The following ACER3 variants were observed in gnomAD, a reference collection of about 807,000 sequenced individuals.
The protein encoded by ACER3 is alkaline ceramidase 3, also known as alkCDase 3.
A neutral mutation model predicts 48.9 loss-of-function variants in ACER3; 16 were observed. That is an observed-to-expected ratio of 0.33 (90% confidence interval 0.22 to 0.50). The LOEUF is 0.50. ACER3 is among the 20% of genes least tolerant of loss of function. The pLI, the probability that ACER3 is intolerant of heterozygous loss-of-function variation, is 0.98. For missense variants in ACER3, 227 were observed against 326.0 expected (o/e 0.70, Z 2.34); for synonymous variants, 109 against 107.8 (o/e 1.01, Z -0.07).
chr11:77,019,495 G>A (rs1949434690), intron 9 of ACER3: 1 of 517,926 alleles, frequency 1.9e-6, no homozygotes, highest in Non-Finnish European at 3.5e-6. Context: ...CTCTGCTTGT[G>A]CTCTATAAAA....
intron 2 of ACER3, among the ~76,000 whole-genome samples, chr11:76,928,787 T>C (rs1946909020): frequency 6.6e-6 from 1 of 152,190 alleles, no homozygotes; most frequent in Non-Finnish European, 1.5e-5. Flanking sequence ...GTGGTATTAT[T>C]TCTGAGGGCT....
intron 7 of ACER3, among the ~76,000 whole-genome samples, chr11:77,004,451 G>T (rs542388507): frequency 6.6e-6 from 1 of 152,302 alleles, no homozygotes; most frequent in East Asian, 1.9e-4. Flanking sequence ...GTATTTTTTA[G>T]TTATTCTGTA....
intron 1 of ACER3, among the ~76,000 whole-genome samples, chr11:76,902,335 T>C (rs906591514): frequency 6.6e-6 from 1 of 152,224 alleles, no homozygotes; most frequent in Non-Finnish European, 1.5e-5. Flanking sequence ...TGAGAATCTA[T>C]AGATAGGCCT....
intron 1 of ACER3, among the ~76,000 whole-genome samples, chr11:76,916,607 G>T (rs1946536083): frequency 1.3e-5 from 2 of 152,160 alleles, no homozygotes; most frequent in South Asian, 4.1e-4. Context: ...GGTAGGATTT[G>T]ATTTGGGCCC....
chr11:76,964,734 A>G (rs1379702197), intron 3 of ACER3, among the ~76,000 whole-genome samples: 1 of 151,392 alleles, frequency 6.6e-6, no homozygotes, highest in African/African-American at 2.5e-5. Flanking sequence ...AAACTCCAAC[A>G]GACCTGCAGC....
intron 1 of ACER3, among the ~76,000 whole-genome samples, chr11:76,901,660 A>C (rs1324708145): frequency 6.6e-6 from 1 of 152,160 alleles, no homozygotes; most frequent in African/African-American, 2.4e-5. Flanking sequence ...TCACAACTCT[A>C]AGGGGGTGCA....
chr11:76,965,777 C>T (rs1948120841), intron 3 of ACER3, among the ~76,000 whole-genome samples: 3 of 151,154 alleles, frequency 2.0e-5, no homozygotes, highest in Admixed American at 6.6e-5. Context: ...TTGTCACCAC[C>T]AGCCCTGCCC....
chr11:76,960,333 T>G (rs1299670954), intron 3 of ACER3, among the ~76,000 whole-genome samples: 1 of 151,862 alleles, frequency 6.6e-6, no homozygotes, highest in Non-Finnish European at 1.5e-5. Flanking sequence ...CTCTTGAGCC[T>G]GGGAGGCGGA....
rs565504874 is a variant in ACER3, at chr11:77,016,919, C to G, written c.704+140C>G. On this transcript the variant is annotated intron_variant, in intron 9 of 10. Coordinates refer to ENST00000532485, the MANE Select transcript of ACER3 (RefSeq NM_018367.7). Reference sequence around the variant, plus strand: ...AATTAAATAGTACACTCTTGAACAACCGCTGGGTCAAAGAAGAAGTCAAAA... The same window carrying G: ...AATTAAATAGTACACTCTTGAACAAGCGCTGGGTCAAAGAAGAAGTCAAAA... 3.8e-5 allele frequency: 17 copies of G among 447,776 alleles called. No individual in the cohort carries two copies. The Admixed American group carries it at 7.1e-4, about 19-fold the overall frequency. The allele number at this position is 447,776 out of a possible 1,614,324, so 27.7% of individuals were successfully genotyped here. A position where few individuals can be genotyped will look rare whatever the true frequency, so the allele number is the denominator to read the frequency against.
At chr11:76,971,182 G>A (rs962453367) in intron 3 of ACER3, among the ~76,000 whole-genome samples, 1 of 152,124 alleles carries the variant, frequency 6.6e-6, no homozygotes, top group Non-Finnish European at 1.5e-5. Context: ...ATGAACTTTT[G>A]TGTACATGTT....
intron 1 of ACER3, among the ~76,000 whole-genome samples, chr11:76,873,689 T>C (rs1945299478): frequency 6.6e-6 from 1 of 152,206 alleles, no homozygotes; most frequent in Admixed American, 6.5e-5. Flanking sequence ...TGCTCAAGTA[T>C]TCAAAGGTAT....
At chr11:76,934,752 G>GGCGAGACGGGAGAGGGA in intron 2 of ACER3, among the ~76,000 whole-genome samples, 1 of 145,588 alleles carries the variant, frequency 6.9e-6, no homozygotes, top group Non-Finnish European at 1.5e-5. Context: ...GGGAGACCGT[G>GGCGAGACGGGAGAGGGA]GGGAGACGGA....
At chr11:77,007,753 A>C (rs2135297701) in intron 7 of ACER3, among the ~76,000 whole-genome samples, 1 of 152,280 alleles carries the variant, frequency 6.6e-6, no homozygotes, top group East Asian at 1.9e-4. Flanking sequence ...TGAGAGTCCC[A>C]AGCCCTCACT....
intron 2 of ACER3, among the ~76,000 whole-genome samples, chr11:76,938,055 C>G (rs1947243352): frequency 1.3e-5 from 2 of 152,162 alleles, no homozygotes; most frequent in South Asian, 4.1e-4. Context: ...CACTCTCCTG[C>G]TCAGGCTGGA....
Position 77,020,854 on chromosome 11 carries a change from A to G in ACER3, c.*527A>G, listed in dbSNP as rs539985010. ...AAGGTAAAAAAAGAGAGAGAAAGAG[A>G]GAGAGCTAGCTGTGGGATTCTGTGT... On this transcript the variant is annotated 3_prime_UTR_variant, in exon 11 of 11. Transcript: ENST00000532485. 1 of 154,466 alleles carries G rather than the reference A, an allele frequency of 6.5e-6. No homozygotes were observed. The highest frequency in any genetic ancestry group is 2.4e-5 in the African/African-American group (1 of 41,560). 9.6% of individuals were successfully genotyped at this position (154,466 alleles called of 1,614,324 possible).
intron 1 of ACER3, among the ~76,000 whole-genome samples, chr11:76,911,554 G>A (rs867813948): frequency 1.1e-4 from 17 of 152,098 alleles, no homozygotes; most frequent in African/African-American, 4.1e-4. Context: ...TGAGAATGCA[G>A]CTCAGCAGAT....
rs576336014 is a variant in ACER3, at chr11:76,896,839, TTAATCTGTTG to T, written c.104-29706_104-29697del. Among the ~76,000 whole-genome samples, 83 of 152,348 alleles carry T rather than the reference TTAATCTGTTG, an allele frequency of 5.4e-4. No individual in the cohort carries two copies. In the South Asian group the frequency reaches 0.017, roughly 30 times the overall value. ...TGGATTTTCATATATGCTTTTGCAT[TTAATCTGTTG>T]TAATCTGTTGTTTTGGTTGAAGTAT... is the stretch of plus-strand genomic sequence containing the variant. On this transcript the variant is annotated intron_variant, in intron 1 of 10. Coordinates refer to ENST00000532485, the MANE Select transcript of ACER3 (RefSeq NM_018367.7).
At chr11:76,907,689 G>A (rs754068032) in intron 1 of ACER3, among the ~76,000 whole-genome samples, 26 of 152,062 alleles carry the variant, frequency 1.7e-4, no homozygotes, top group Non-Finnish European at 1.3e-4. Context: ...GGCCAACACA[G>A]TGAAAGCCAG....
At chr11:76,915,945 C>T (rs1283444332) in intron 1 of ACER3, among the ~76,000 whole-genome samples, 2 of 152,190 alleles carry the variant, frequency 1.3e-5, no homozygotes, top group Non-Finnish European at 2.9e-5. Flanking sequence ...CTGGGGATTA[C>T]AATTCAAGAT....
Sources: gnomAD v4.1 joint callset for allele counts (sites outside exome capture counted in the v4.1 genomes callset) on GRCh38, gnomAD v4.1.1 for gene constraint, MANE v1.5 for transcripts, NCBI Gene and HGNC (gene_info 2026-07-23, HGNC 2026-07-21) for gene names.